Variants in PLEKHA1 observed in about 807,000 individuals in gnomAD.
PLEKHA1 encodes pleckstrin homology domain containing A1, also known as pleckstrin homology domain-containing family A member 1.
PLEKHA1 carries 34 observed loss-of-function variants against 52.0 expected under a neutral mutation model. That is an observed-to-expected ratio of 0.65 (90% CI 0.50 to 0.87). PLEKHA1 has a LOEUF of 0.87. Ranked by LOEUF, PLEKHA1 falls within the 40% of genes least tolerant of loss-of-function variation. The pLI, the probability that PLEKHA1 is intolerant of heterozygous loss-of-function variation, is 0.00. For synonymous variants in PLEKHA1, 163 were observed against 170.7 expected, an observed-to-expected ratio of 0.95 and a Z score of 0.35; for missense variants, 497 against 504.2, an observed-to-expected ratio of 0.99 and a Z score of 0.14.
In PLEKHA1 at chr10:122,393,334, A is replaced by G. The variant is rs751473227; in HGVS notation, c.134A>G (p.Asn45Ser). ...REDSFVWYMDNPQNLPSGSSR... is the reference protein window; with the variant it reads ...REDSFVWYMDSPQNLPSGSSR... ...GATAGTTTCGTGTGGTACATGGATA[A>G]TCCACAGGTTTGTAAAATCCCAAGG... The change falls in exon 2 of 12, where the codon AAT becomes AGT. Residue 45 changes from asparagine to serine, a missense_variant. Physicochemically the swap from Asn to Ser is conservative, Grantham distance 46. Transcript: ENST00000368990. This position sits in a 1 kb window ranked among gnomAD's most constrained non-coding sequence, Gnocchi z 4.5. 1.3e-6 allele frequency: 2 copies of G among 1,597,324 alleles called. No homozygotes were observed. Among genetic ancestry groups the G allele is most frequent in the South Asian group, 1.2e-5 (1 of 86,280 alleles).
the PLEKHA1 span, chr10:122,441,863 G>A: frequency 1.3e-4 from 20 of 152,290 alleles, no homozygotes; most frequent in African/African-American, 4.6e-4. Flanking sequence ...GTTGTTTGAT[G>A]CAACTAACCA....
chr10:122,400,348 C>G lies in PLEKHA1; in HGVS notation c.204C>G (p.Ser68Arg). ...GTCTCTATTTTTCTTTTTAGGTTAGCGATGCTACTAAGCTAAGGCCAAAGG... is the reference window on the plus strand; with the variant it reads ...GTCTCTATTTTTCTTTTTAGGTTAGGGATGCTACTAAGCTAAGGCCAAAGG... Reference protein sequence around the residue: ...AIKLTYISKVSDATKLRPKAE... With the variant: ...AIKLTYISKVRDATKLRPKAE... Residue 68 changes from serine to arginine, a missense_variant, in exon 4 of 12, where the codon AGC (serine) becomes AGG (arginine). Transcript: ENST00000368990. The G allele has an allele frequency of 6.2e-7, 1 of 1,602,998 alleles. No individual in the cohort carries two copies. The highest frequency in any genetic ancestry group is 8.5e-7 in the Non-Finnish European group (1 of 1,176,066).
At chr10:122,420,985 G>T (rs2097252748) in intron 8 of PLEKHA1, 1 of 152,204 alleles carries the variant, frequency 6.6e-6, no homozygotes, top group Admixed American at 6.5e-5. Flanking sequence ...TCTTGTCAGA[G>T]AAACAATACT....
intron 2 of PLEKHA1, among the ~76,000 whole-genome samples, chr10:122,394,656 A>G (rs1449527977): frequency 6.6e-6 from 1 of 152,160 alleles, no homozygotes; most frequent in African/African-American, 2.4e-5. Context: ...CAAGATATAT[A>G]TGTGTCTATA....
intron 5 of PLEKHA1, among the ~76,000 whole-genome samples, chr10:122,410,502 C>G (rs1031486483): frequency 4.6e-5 from 7 of 152,070 alleles, no homozygotes; most frequent in Non-Finnish European, 8.8e-5. Flanking sequence ...GAATTTAGAC[C>G]AAGTTTTACA....
intron 5 of PLEKHA1, among the ~76,000 whole-genome samples, chr10:122,406,900 T>C (rs907817425): frequency 4.6e-5 from 7 of 152,206 alleles, no homozygotes; most frequent in Non-Finnish European, 7.3e-5. Flanking sequence ...TAAGGAGATA[T>C]ATTACTGCAG....
intron 7 of PLEKHA1, chr10:122,416,848 A>G (rs528299506): frequency 6.5e-6 from 1 of 153,312 alleles, no homozygotes; most frequent in African/African-American, 2.4e-5. Flanking sequence ...ACTTTTTGGC[A>G]ACTCTTAATT....
At chr10:122,409,795 T>A (rs1590700087) in intron 5 of PLEKHA1, among the ~76,000 whole-genome samples, 1 of 151,872 alleles carries the variant, frequency 6.6e-6, no homozygotes, top group East Asian at 1.9e-4. Context: ...TTTTTTTTTT[T>A]TTTGAGACAG....
chr10:122,394,069 C>CTTT (rs796831792), intron 2 of PLEKHA1, among the ~76,000 whole-genome samples: 4,585 of 97,034 alleles, frequency 0.047, 612 homozygotes, highest in Non-Finnish European at 0.062. Flanking sequence ...ACTTTCTCTA[C>CTTT]TTTTTTTTTT....
the PLEKHA1 span, chr10:122,442,007 G>C: frequency 6.6e-6 from 1 of 152,192 alleles, no homozygotes; most frequent in Admixed American, 6.5e-5. Flanking sequence ...AAAATTTTTA[G>C]GTGGTCTTCC....
chr10:122,389,399 T>C (rs1487435577), intron 1 of PLEKHA1, among the ~76,000 whole-genome samples: 1 of 152,166 alleles, frequency 6.6e-6, no homozygotes, highest in South Asian at 2.1e-4. Flanking sequence ...GTCTCAATAG[T>C]GGGCTTAAAA....
At chr10:122,422,411 A>C (rs1235124632) in intron 8 of PLEKHA1, 2 of 152,258 alleles carry the variant, frequency 1.3e-5, no homozygotes, top group African/African-American at 4.8e-5. Context: ...TAAGCAACAG[A>C]TCAGGGTTAA....
In PLEKHA1 at chr10:122,382,131, T is replaced by G. The variant is rs183910407; in HGVS notation, c.-21+7325T>G. Among the ~76,000 whole-genome samples the G allele has an allele frequency of 3.6e-3, 549 of 152,360 alleles. 1 individual carries two copies. The highest frequency in any genetic ancestry group is 0.014 in the Middle Eastern group (4 of 294). On this transcript the variant is annotated intron_variant, in intron 1 of 11. Coordinates refer to ENST00000368990, the MANE Select transcript of PLEKHA1 (RefSeq NM_001001974.4). ...AATCGTTTCTTTTTTTAGAAAAAGC[T>G]TTATTGAGATAATTCACACTATATA...
chr10:122,394,664 A>G (rs992517779), intron 2 of PLEKHA1, among the ~76,000 whole-genome samples: 2 of 152,194 alleles, frequency 1.3e-5, no homozygotes, highest in Middle Eastern at 3.2e-3. Context: ...ATATGTGTCT[A>G]TAGTAGATAC....
chr10:122,413,558 A>G (rs968803075), intron 6 of PLEKHA1, among the ~76,000 whole-genome samples: 6 of 152,106 alleles, frequency 3.9e-5, no homozygotes, highest in Non-Finnish European at 7.4e-5. Context: ...AATTTTTAAA[A>G]TCTATTTTTT....
rs1185385091 is a variant in PLEKHA1 at position 122,429,862 on chromosome 10, G to T, written c.1139G>T (p.Ser380Ile). ...GAACAAGCTCTGTTAAGACCTCAAA[G>T]TAAAAATGGCCCTCAGGAAAAAGAT... ...VTEQALLRPQSKNGPQEKDCD... is the reference protein window; with the variant it reads ...VTEQALLRPQIKNGPQEKDCD... Residue 380 changes from serine to isoleucine, a missense_variant, in exon 12 of 12, where the codon AGT becomes ATT. Ser to Ile is a moderately radical substitution (Grantham distance 142). Transcript: ENST00000368990. 6.2e-7 allele frequency: 1 copy of T among 1,614,136 alleles called. No individual in the cohort carries two copies. The highest frequency in any genetic ancestry group is 1.1e-5 in the South Asian group (1 of 91,086).
intron 2 of PLEKHA1, among the ~76,000 whole-genome samples, chr10:122,397,291 A>G (rs1335472507): frequency 2.6e-5 from 4 of 152,102 alleles, no homozygotes; most frequent in African/African-American, 7.2e-5. Context: ...TTCTCCCTCT[A>G]TGTTTACCTT....
At chr10:122,380,356 A>G (rs2096597311) in intron 1 of PLEKHA1, among the ~76,000 whole-genome samples, 1 of 152,222 alleles carries the variant, frequency 6.6e-6, no homozygotes, top group African/African-American at 2.4e-5. Flanking sequence ...ACAGACAAGA[A>G]TCAGGTAAAT....
intron 1 of PLEKHA1, among the ~76,000 whole-genome samples, chr10:122,385,311 CTTTTTTTTT>C (rs1196217497): frequency 1.0e-5 from 1 of 96,476 alleles, no homozygotes; most frequent in Admixed American, 1.2e-4. Flanking sequence ...TTGTGTCTGG[CTTTTTTTTT>C]TTTTTTTTTT....
Sources: allele counts gnomAD v4.1 joint callset (sites outside exome capture counted in the v4.1 genomes callset), GRCh38; gene constraint gnomAD v4.1.1; non-coding constraint Gnocchi (gnomAD v3.1); transcripts MANE v1.5; gene names NCBI Gene and HGNC (gene_info 2026-07-23, HGNC 2026-07-21).